The following ZFHX3 variants were observed in gnomAD, a reference collection of about 807,000 sequenced individuals.
ZFHX3 encodes the protein zinc finger homeobox 3.
A neutral mutation model predicts 279.1 loss-of-function variants in ZFHX3; 42 were observed. That is an observed-to-expected ratio of 0.15 (90% CI 0.12 to 0.19). ZFHX3 has a LOEUF of 0.19. Among genes scored for constraint, ZFHX3 ranks in the 10% least tolerant of loss-of-function variants. The pLI is 1.00. For missense variants in ZFHX3, 4,981 were observed against 4,754.0 expected, an observed-to-expected ratio of 1.05 and a Z score of -1.40; for synonymous variants, 2,293 against 1,957.8, an observed-to-expected ratio of 1.17 and a Z score of -4.52.
intron 2 of ZFHX3, among the ~76,000 whole-genome samples, chr16:73,532,088 T>C (rs181535336): frequency 5.3e-5 from 8 of 151,426 alleles, no homozygotes; most frequent in Admixed American, 1.3e-4. Flanking sequence ...ACCCTGTCTC[T>C]AAAAAAGATT....
At chr16:73,318,662 T>C (rs2143189145) in intron 3 of ZFHX3, among the ~76,000 whole-genome samples, 1 of 152,322 alleles carries the variant, frequency 6.6e-6, no homozygotes, top group Non-Finnish European at 1.5e-5. Context: ...TGTCAGCGTC[T>C]CATTTAGCAA....
intron 7 of ZFHX3, among the ~76,000 whole-genome samples, chr16:73,114,369 G>C (rs1966409742): frequency 6.6e-6 from 1 of 152,040 alleles, no homozygotes; most frequent in Non-Finnish European, 1.5e-5. Context: ...TCACCCCTTA[G>C]GTTGTTATCA....
chr16:73,439,093 G>A (rs189577199), intron 3 of ZFHX3, among the ~76,000 whole-genome samples: 43 of 152,296 alleles, frequency 2.8e-4, no homozygotes, highest in Admixed American at 9.2e-4. Flanking sequence ...CTAAACCAAA[G>A]CAAATTAATA....
At chr16:73,815,006 A>G (rs1407038114) in intron 1 of ZFHX3, among the ~76,000 whole-genome samples, 2 of 152,246 alleles carry the variant, frequency 1.3e-5, no homozygotes, top group Non-Finnish European at 2.9e-5. Flanking sequence ...AAGTAGGGTG[A>G]TAATCACAAA....
At chr16:73,054,691 G>C (rs1048386711) in intron 1 of ZFHX3, among the ~76,000 whole-genome samples, 5 of 151,990 alleles carry the variant, frequency 3.3e-5, no homozygotes, top group Admixed American at 3.3e-4. Context: ...GAACTTGGTG[G>C]GGGAGGGAAT....
chr16:73,648,422 CTT>C (rs2052640240), intron 2 of ZFHX3, among the ~76,000 whole-genome samples: 1 of 152,122 alleles, frequency 6.6e-6, no homozygotes, highest in Non-Finnish European at 1.5e-5. Flanking sequence ...GAGTTTCACT[CTT>C]GTCACCCAGG....
chr16:72,944,692 T>C (rs545289978), intron 3 of ZFHX3, among the ~76,000 whole-genome samples: 41 of 152,306 alleles, frequency 2.7e-4, no homozygotes, highest in African/African-American at 9.9e-4. Context: ...CTCATATTAC[T>C]TTAACTGTAA....
chr16:72,797,910 G>C lies in ZFHX3; in HGVS notation c.4772C>G (p.Pro1591Arg). 6.2e-7 allele frequency: 1 copy of C among 1,614,174 alleles called. No individual in the cohort carries two copies. The highest frequency in any genetic ancestry group is 8.5e-7 in the Non-Finnish European group (1 of 1,180,036). The change falls in exon 9 of 10, where the codon CCA (proline) becomes CGA (arginine). Residue 1591 changes from proline to arginine, a missense_variant. Pro to Arg is a moderately radical substitution (Grantham distance 103, BLOSUM62 -2). Coordinates refer to ENST00000268489, the MANE Select transcript of ZFHX3 (RefSeq NM_006885.4). ...GTTACACTTAAAAGGTTTGTTGTCTGGGCTGCTGGTGGGTTCTGGCTGACC... is the reference window on the plus strand; with the variant it reads ...GTTACACTTAAAAGGTTTGTTGTCTCGGCTGCTGGTGGGTTCTGGCTGACC... ...ATGQPEPTSSPDNKPFKCNTC... is the reference protein window; with the variant it reads ...ATGQPEPTSSRDNKPFKCNTC...
chr16:73,168,213 T>TTCTTTTTCTTTCTTTCTTTC (rs1567408142), intron 5 of ZFHX3, among the ~76,000 whole-genome samples: 17 of 93,238 alleles, frequency 1.8e-4, no homozygotes, highest in African/African-American at 6.9e-4. Flanking sequence ...TTCTTTTGTT[T>TTCTTTTTCTTTCTTTCTTTC]TCTTTCTTTC....
intron 1 of ZFHX3, among the ~76,000 whole-genome samples, chr16:73,723,655 AT>A (rs2053494926): frequency 6.6e-6 from 1 of 152,220 alleles, no homozygotes; most frequent in African/African-American, 2.4e-5. Context: ...TTCTTGTATT[AT>A]TTTTGTAATT....
intron 3 of ZFHX3, among the ~76,000 whole-genome samples, chr16:73,365,167 G>A (rs1162881003): frequency 1.3e-5 from 2 of 152,228 alleles, no homozygotes; most frequent in African/African-American, 2.4e-5. Context: ...TCTGTGGAGA[G>A]ACCTCCGGTA....
intron 1 of ZFHX3, among the ~76,000 whole-genome samples, chr16:72,998,854 T>A (rs1963389091): frequency 6.6e-6 from 1 of 152,236 alleles, no homozygotes; most frequent in African/African-American, 2.4e-5. Flanking sequence ...CACAGAATTG[T>A]GTACAACTTA....
chr16:73,708,683 T>C (rs1007952830), intron 1 of ZFHX3, among the ~76,000 whole-genome samples: 2 of 152,032 alleles, frequency 1.3e-5, no homozygotes, highest in African/African-American at 4.8e-5. Context: ...GGCAGATGAA[T>C]AGGAGAAGAG....
chr16:73,825,485 T>C (rs368189644), intron 1 of ZFHX3, among the ~76,000 whole-genome samples: 1 of 131,856 alleles, frequency 7.6e-6, no homozygotes, highest in Non-Finnish European at 1.5e-5. Context: ...CCCACGCCTA[T>C]GTCCTGAATG....
intron 2 of ZFHX3, among the ~76,000 whole-genome samples, chr16:73,506,150 C>T (rs1230110775): frequency 2.0e-5 from 3 of 152,252 alleles, no homozygotes; most frequent in African/African-American, 7.2e-5. Flanking sequence ...AGCTGTTTCA[C>T]TGCAGACTAG....
intron 2 of ZFHX3, among the ~76,000 whole-genome samples, chr16:73,659,605 C>T (rs543793582): frequency 6.6e-6 from 1 of 151,970 alleles, no homozygotes; most frequent in Non-Finnish European, 1.5e-5. Context: ...TTCAGGCTCC[C>T]CTGAAATAGA....
chr16:72,860,814 G>A (rs959878646), intron 4 of ZFHX3, among the ~76,000 whole-genome samples: 3 of 152,218 alleles, frequency 2.0e-5, no homozygotes, highest in South Asian at 2.1e-4. Context: ...GGAAGGGGTT[G>A]GCTAAATGCT....
At chr16:73,687,906 C>G (rs1269433327) in intron 1 of ZFHX3, among the ~76,000 whole-genome samples, 1 of 149,956 alleles carries the variant, frequency 6.7e-6, no homozygotes, top group Non-Finnish European at 1.5e-5. Context: ...AGTCACTGTG[C>G]TCTTTACCCC....
At chr16:72,831,678 A>G (rs1028839311) in intron 4 of ZFHX3, among the ~76,000 whole-genome samples, 14 of 152,360 alleles carry the variant, frequency 9.2e-5, no homozygotes, top group African/African-American at 3.4e-4. Context: ...TAGGATTTCA[A>G]TAAAATTGTT....
Sources: allele counts gnomAD v4.1 joint callset (sites outside exome capture counted in the v4.1 genomes callset), GRCh38; gene constraint gnomAD v4.1.1; transcripts MANE v1.5; gene names NCBI Gene and HGNC (gene_info 2026-07-23, HGNC 2026-07-21).